Variants in STX17 observed in about 807,000 individuals in gnomAD.
STX17 encodes syntaxin-17.
STX17 carries 29 observed loss-of-function variants against 35.9 expected under a neutral mutation model. The observed-to-expected ratio is 0.81, with a 90% CI of 0.60 to 1.10. STX17 has a LOEUF of 1.10. STX17 is among the 50% of genes least tolerant of loss of function. The pLI is 0.00. For synonymous variants in STX17, 92 were observed against 118.3 expected, an observed-to-expected ratio of 0.78 and a Z score of 1.44; for missense variants, 312 against 352.3, an observed-to-expected ratio of 0.89 and a Z score of 0.92.
At chr9:99,908,254 TG>T (rs36009095) in intron 1 of STX17, among the ~76,000 whole-genome samples, 1 of 151,968 alleles carries the variant, frequency 6.6e-6, no homozygotes, top group Non-Finnish European at 1.5e-5. Context: ...ATTGACATCT[TG>T]GGGGGGAGCT....
At chr9:99,948,976 G>A (rs1261936922) in intron 3 of STX17, among the ~76,000 whole-genome samples, 1 of 151,990 alleles carries the variant, frequency 6.6e-6, no homozygotes, top group Non-Finnish European at 1.5e-5. Flanking sequence ...ATATAACCAA[G>A]CTTTATAATT....
chr9:99,971,382 T>C lies in STX17; in HGVS notation c.*2709T>C, dbSNP rs973655808. 3.3e-5 allele frequency among the ~76,000 whole-genome samples: 5 copies of C among 151,910 alleles called. No individual in the cohort carries two copies. Among genetic ancestry groups the C allele is most frequent in the Admixed American group, 1.3e-4 (2 of 15,252 alleles). Reference sequence around the variant, plus strand: ...TAACCCACAGTAAAAAACGCATTTATATCAAACCTTAGAATATGTTTAATG... The same window carrying C: ...TAACCCACAGTAAAAAACGCATTTACATCAAACCTTAGAATATGTTTAATG... On this transcript the variant is annotated 3_prime_UTR_variant, in exon 8 of 8. Coordinates refer to ENST00000259400, the MANE Select transcript of STX17 (RefSeq NM_017919.3).
At chr9:99,929,076 CA>C (rs1450315020) in intron 3 of STX17, 3 of 355,110 alleles carry the variant, frequency 8.4e-6, no homozygotes, top group African/African-American at 6.3e-5. Context: ...CTCTCACAAG[CA>C]ATACATTTTG....
rs1422449483 is a variant in STX17 at position 99,953,908 on chromosome 9, T to C, written c.415+2623T>C. On this transcript the variant is annotated intron_variant, in intron 4 of 7. Transcript: ENST00000259400. ...CTGTTCGGGATCAACAACTTTGGGC[T>C]TATATGTCATCAGAGAAATTGGGTG... 3.9e-5 allele frequency: 6 copies of C among 152,060 alleles called. No individual in the cohort carries two copies. In the East Asian group the frequency reaches 1.2e-3, roughly 29 times the overall value. 9.4% of individuals were successfully genotyped at this position (152,060 alleles called of 1,614,324 possible). A position where few individuals can be genotyped will look rare whatever the true frequency, so the allele number is the denominator to read the frequency against.
intron 2 of STX17, among the ~76,000 whole-genome samples, chr9:99,921,492 T>C (rs1487609829): frequency 6.6e-6 from 1 of 151,998 alleles, no homozygotes; most frequent in Non-Finnish European, 1.5e-5. Context: ...TTATGTTATG[T>C]GCAAATTTGA....
In STX17 at chr9:99,968,354, G is replaced by A. The variant is rs556934489; in HGVS notation, c.670-80G>A. ...AAGAGTTAAAGAGGCATTGCCAGGA[G>A]TAATGAGAGGAAAACGCACATCACC... On this transcript the variant is annotated intron_variant, in intron 7 of 7. Transcript: ENST00000259400. 212 of 1,486,530 alleles carry A rather than the reference G, an allele frequency of 1.4e-4. 6 individuals carry two copies. The South Asian group carries it at 3.0e-3, about 21-fold the overall frequency. The allele number at this position is 1,486,530 out of a possible 1,614,324, so 92.1% of individuals were successfully genotyped here.
At chr9:99,954,756 C>T (rs1369643631) in intron 4 of STX17, among the ~76,000 whole-genome samples, 1 of 151,986 alleles carries the variant, frequency 6.6e-6, no homozygotes, top group Non-Finnish European at 1.5e-5. Flanking sequence ...GAAACATCAG[C>T]AGAGATTCAG....
At chr9:99,906,926 C>T (rs916950530) in intron 1 of STX17, 4 of 152,252 alleles carry the variant, frequency 2.6e-5, no homozygotes, top group African/African-American at 9.6e-5. Context: ...AGGGAGGCCG[C>T]AGACGATGCG....
intron 1 of STX17, among the ~76,000 whole-genome samples, chr9:99,914,847 A>G (rs1320528015): frequency 6.6e-6 from 1 of 152,210 alleles, no homozygotes; most frequent in Admixed American, 6.5e-5. Context: ...ATATACATAC[A>G]TACCTACTTA....
chr9:99,941,154 C>T (rs1192893523), intron 3 of STX17, among the ~76,000 whole-genome samples: 2 of 152,112 alleles, frequency 1.3e-5, no homozygotes, highest in Non-Finnish European at 2.9e-5. Flanking sequence ...GTTGTTGGAC[C>T]ACTACTTTGC....
intron 3 of STX17, among the ~76,000 whole-genome samples, chr9:99,939,120 T>C (rs1237492782): frequency 1.3e-5 from 2 of 152,098 alleles, no homozygotes; most frequent in African/African-American, 2.4e-5. Context: ...ACTTTTTAAT[T>C]TTTAAAAAGG....
At chr9:99,941,886 T>C (rs535874288) in intron 3 of STX17, among the ~76,000 whole-genome samples, 2 of 152,360 alleles carry the variant, frequency 1.3e-5, no homozygotes, top group South Asian at 4.1e-4. Flanking sequence ...GTTTCCATTC[T>C]GTGGATGGAC....
In STX17 at chr9:99,960,129, G is replaced by A. The variant is rs768298250; in HGVS notation, c.556G>A (p.Val186Ile). 1.2e-6 allele frequency: 2 copies of A among 1,614,002 alleles called. No individual in the cohort carries two copies. The highest frequency in any genetic ancestry group is 4.5e-5 in the East Asian group (2 of 44,838). The stretch of plus-strand genomic sequence containing the variant: ...GGACTTAATTGAACTTAGCCAACTG[G>A]TCACTGACTTCTCTCTCCTAGTGAA... Reference protein sequence around the residue: ...EADLIELSQLVTDFSLLVNSQ... With the variant: ...EADLIELSQLITDFSLLVNSQ... Residue 186 changes from valine (V) to isoleucine (I), a missense_variant, in exon 6 of 8, where the codon GTC becomes ATC. Physicochemically the swap from Val to Ile is conservative, Grantham distance 29. Transcript: ENST00000259400.
chr9:99,928,262 C>T (rs1829030666), intron 2 of STX17, among the ~76,000 whole-genome samples: 1 of 151,904 alleles, frequency 6.6e-6, no homozygotes, highest in Non-Finnish European at 1.5e-5. Flanking sequence ...CTAACAGTTG[C>T]CTTGGTAAAA....
At chr9:99,948,957 C>T (rs1387327702) in intron 3 of STX17, among the ~76,000 whole-genome samples, 1 of 152,026 alleles carries the variant, frequency 6.6e-6, no homozygotes, top group African/African-American at 2.4e-5. Context: ...TTTCTGTAGA[C>T]TGGTAACTAT....
At chr9:99,933,627 T>G (rs1829169991) in intron 3 of STX17, among the ~76,000 whole-genome samples, 1 of 152,136 alleles carries the variant, frequency 6.6e-6, no homozygotes, top group Admixed American at 6.6e-5. Flanking sequence ...ACATTGTACT[T>G]TCTAAAGATA....
intron 1 of STX17, among the ~76,000 whole-genome samples, chr9:99,913,708 T>C (rs961829435): frequency 1.3e-5 from 2 of 152,184 alleles, no homozygotes; most frequent in Non-Finnish European, 2.9e-5. Context: ...GTCCCCAGTT[T>C]CCATTCACTG....
intron 3 of STX17, 136 bp from the exon 4 acceptor site, chr9:99,950,924 A>G (rs1201736610): frequency 1.2e-5 from 10 of 830,362 alleles, no homozygotes; most frequent in South Asian, 4.1e-5. Flanking sequence ...TGGAAAATGT[A>G]AAAGTATTAT....
chr9:99,911,345 T>A (rs1828660364), intron 1 of STX17, among the ~76,000 whole-genome samples: 1 of 152,214 alleles, frequency 6.6e-6, no homozygotes, highest in African/African-American at 2.4e-5. Context: ...TTCTTTTTTT[T>A]AATGGCTGAA....
Sources: allele counts gnomAD v4.1 joint callset (sites outside exome capture counted in the v4.1 genomes callset), GRCh38; gene constraint gnomAD v4.1.1; transcripts MANE v1.5; gene names NCBI Gene and HGNC (gene_info 2026-07-23, HGNC 2026-07-21).